Variants in AGBL3 observed in about 807,000 individuals in gnomAD.
AGBL3 encodes AGBL carboxypeptidase 3, also known as cytosolic carboxypeptidase 3.
In AGBL3, 68 loss-of-function variants were observed where a neutral mutation model predicts 94.5. The ratio of observed to expected loss-of-function variants is 0.72; its 90% CI spans 0.59 to 0.88. AGBL3 has a LOEUF of 0.88. Ranked by LOEUF, AGBL3 falls within the 40% of genes least tolerant of loss-of-function variation. The probability of loss-of-function intolerance (pLI) is 0.00; values close to 1 mark genes in which losing one functional copy is unlikely to be tolerated. For synonymous variants in AGBL3, 354 were observed against 370.7 expected, an observed-to-expected ratio of 0.95 and a Z score of 0.52; for missense variants, 934 against 1,103.8, an observed-to-expected ratio of 0.85 and a Z score of 2.18.
intron 9 of AGBL3, among the ~76,000 whole-genome samples, 168 bp from the exon 10 acceptor site, chr7:135,045,306 G>C (rs1369471728): frequency 6.6e-6 from 1 of 151,918 alleles, no homozygotes; most frequent in African/African-American, 2.4e-5. Flanking sequence ...TGGTGGAAAA[G>C]GAACAAGGGA....
chr7:135,064,759 C>G (rs1372380516), intron 12 of AGBL3, among the ~76,000 whole-genome samples: 2 of 152,174 alleles, frequency 1.3e-5, no homozygotes, highest in African/African-American at 4.8e-5. Flanking sequence ...ATTTTGTTCT[C>G]TAGCTACTAA....
chr7:134,992,715 CAA>C (rs1404761163), intron 3 of AGBL3, among the ~76,000 whole-genome samples: 16 of 152,144 alleles, frequency 1.1e-4, no homozygotes, highest in Admixed American at 9.8e-4. Context: ...CATACAAAAA[CAA>C]AGTGGTAAAA....
rs1242829599 is a variant in AGBL3, at chr7:135,134,984, G to T, written c.2486G>T (p.Ser829Ile). ...VQSKPHRSLE[S>I]LSPLKGPKKN... ...TCTAAGCCCCACAGGTCATTGGAAA[G>T]TTTATCACCTCTCAAAGGCCCCAAG... The change falls in exon 17 of 17, where the codon AGT becomes ATT. Residue 829 changes from serine (S) to isoleucine (I), a missense_variant. Physicochemically the swap from Ser to Ile is moderately radical, Grantham distance 142. Around this residue, in one of 3 missense-constraint regions of AGBL3, gnomAD observed 441 missense variants for 518.2 expected, o/e 0.85. Coordinates refer to ENST00000436302, the MANE Select transcript of AGBL3 (RefSeq NM_178563.4). The T allele has an allele frequency of 6.4e-7, 1 of 1,551,170 alleles. No individual in the cohort carries two copies. Among genetic ancestry groups the T allele is most frequent in the Admixed American group, 2.0e-5 (1 of 50,972 alleles).
At chr7:135,034,052 A>AT in intron 6 of AGBL3, 97 bp from the exon 7 acceptor site, 1 of 1,094,004 alleles carries the variant, frequency 9.1e-7, no homozygotes, top group South Asian at 2.3e-5. Context: ...AAATAAAATA[A>AT]TTTTCCTTAT....
intron 4 of AGBL3, among the ~76,000 whole-genome samples, chr7:135,006,126 C>G (rs1282134781): frequency 1.3e-5 from 2 of 151,746 alleles, no homozygotes; most frequent in Non-Finnish European, 3.0e-5. Flanking sequence ...GCAAAAGACC[C>G]TGTTAAGCAG....
At chr7:135,124,780 A>G (rs1827626928) in intron 16 of AGBL3, among the ~76,000 whole-genome samples, 2 of 152,224 alleles carry the variant, frequency 1.3e-5, no homozygotes, top group African/African-American at 4.8e-5. Context: ...AAATTGAACA[A>G]TCTGCTCCTG....
chr7:135,027,610 T>A (rs1815291154), intron 5 of AGBL3, among the ~76,000 whole-genome samples: 1 of 151,608 alleles, frequency 6.6e-6, no homozygotes, highest in Non-Finnish European at 1.5e-5. Context: ...TAATCCTGTA[T>A]TTTTTCCACC....
chr7:135,080,148 C>A (rs562989532), intron 13 of AGBL3, 55 bp from the exon 14 acceptor site: 3 of 1,245,498 alleles, frequency 2.4e-6, no homozygotes, highest in South Asian at 1.3e-5. Flanking sequence ...AGGAAATATA[C>A]CCCATTTCAT....
intron 4 of AGBL3, among the ~76,000 whole-genome samples, chr7:134,996,878 G>T (rs553157886): frequency 6.6e-6 from 1 of 152,174 alleles, no homozygotes; most frequent in South Asian, 2.1e-4. Context: ...TGTGGTCAGG[G>T]GTCCTCAAGA....
chr7:135,117,651 C>A (rs28476690), intron 16 of AGBL3, among the ~76,000 whole-genome samples: 1,799 of 152,234 alleles, frequency 0.012, 40 homozygotes, highest in African/African-American at 0.04. Flanking sequence ...ACAACAACAA[C>A]AAAAATCAAC....
intron 16 of AGBL3, among the ~76,000 whole-genome samples, chr7:135,127,244 C>A (rs973318071): frequency 2.0e-5 from 3 of 152,176 alleles, no homozygotes; most frequent in Non-Finnish European, 2.9e-5. Flanking sequence ...GACATTCATG[C>A]AGCCAACAAG....
At chr7:135,084,530 C>A (rs1218284264) in intron 15 of AGBL3, among the ~76,000 whole-genome samples, 1 of 152,052 alleles carries the variant, frequency 6.6e-6, no homozygotes, top group African/African-American at 2.4e-5. Context: ...AACCACTATT[C>A]TATACTCTCT....
chr7:135,119,565 A>G (rs1450570807), intron 16 of AGBL3, among the ~76,000 whole-genome samples: 2 of 151,924 alleles, frequency 1.3e-5, no homozygotes, highest in Non-Finnish European at 2.9e-5. Flanking sequence ...GACCAAAAAA[A>G]AAAGAAAAAA....
intron 4 of AGBL3, among the ~76,000 whole-genome samples, chr7:134,998,487 A>G (rs1290974812): frequency 6.6e-6 from 1 of 152,130 alleles, no homozygotes; most frequent in Non-Finnish European, 1.5e-5. Flanking sequence ...TTCACTTGTC[A>G]TAATTTTTTA....
At chr7:135,096,949 T>C (rs1175948947) in intron 15 of AGBL3, among the ~76,000 whole-genome samples, 1 of 152,160 alleles carries the variant, frequency 6.6e-6, no homozygotes, top group Admixed American at 6.5e-5. Flanking sequence ...AAAGCACATA[T>C]GAAGACTGAA....
chr7:135,016,604 G>T (rs1176328822), intron 4 of AGBL3, among the ~76,000 whole-genome samples: 1 of 152,042 alleles, frequency 6.6e-6, no homozygotes, highest in African/African-American at 2.4e-5. Flanking sequence ...AGGGGTAGGG[G>T]GACATCTAAG....
At chr7:135,103,187 T>C (rs1824117306) in intron 15 of AGBL3, among the ~76,000 whole-genome samples, 4 of 152,150 alleles carry the variant, frequency 2.6e-5, no homozygotes. Context: ...TTCACCTGCC[T>C]AGATTTTCTG....
intron 15 of AGBL3, among the ~76,000 whole-genome samples, chr7:135,086,768 C>A (rs562897414): frequency 4.0e-5 from 6 of 151,824 alleles, no homozygotes; most frequent in Non-Finnish European, 8.8e-5. Context: ...AGGACTTTTA[C>A]GTCTTTATTT....
At chr7:135,118,865 T>C (rs1211607712) in intron 16 of AGBL3, among the ~76,000 whole-genome samples, 3 of 151,956 alleles carry the variant, frequency 2.0e-5, no homozygotes, top group Non-Finnish European at 2.9e-5. Context: ...AAAATACCAC[T>C]GAAATTTTAA....
Sources: allele counts gnomAD v4.1 joint callset (sites outside exome capture counted in the v4.1 genomes callset), GRCh38; gene constraint gnomAD v4.1.1; regional missense constraint gnomAD v4.1.1; transcripts MANE v1.5; gene names NCBI Gene and HGNC (gene_info 2026-07-23, HGNC 2026-07-21).